Variants in PPL observed in about 807,000 individuals in gnomAD.
PPL encodes the protein 190 kDa paraneoplastic pemphigus antigen.
PPL carries 198 observed loss-of-function variants against 194.4 expected under a neutral mutation model. The observed-to-expected ratio is 1.02, with a 90% CI of 0.91 to 1.15. The LOEUF (loss-of-function observed/expected upper bound fraction) is 1.15, where lower values mean the gene tolerates loss of function less well. Among genes scored for constraint, PPL ranks in the 50% most tolerant of loss-of-function variants. PPL has a pLI of 0.00. For missense variants in PPL, 2,885 were observed against 2,294.8 expected (o/e 1.26, Z -5.25); for synonymous variants, 1,220 against 972.4 (o/e 1.25, Z -4.74).
At chr16:4,910,031 G>GTTGCTCCAGT (rs1398080130) in intron 2 of PPL, among the ~76,000 whole-genome samples, 24 of 152,256 alleles carry the variant, frequency 1.6e-4, no homozygotes, top group African/African-American at 5.1e-4. Flanking sequence ...GTACAAAACA[G>GTTGCTCCAGT]GCATCAACCC....
chr16:4,900,813 C>T lies in PPL; in HGVS notation c.606+17G>A. ...TCTCCTCTCCCCATGAGGCCTTTCC[C>T]CCAGGGAGCTCCTCACCAGCAGTTT... On this transcript the variant is annotated intron_variant, in intron 6 of 21. Transcript: ENST00000345988. 2 of 1,614,122 alleles carry T rather than the reference C, an allele frequency of 1.2e-6. No individual in the cohort carries two copies. Among genetic ancestry groups the T allele is most frequent in the Non-Finnish European group, 1.7e-6 (2 of 1,180,018 alleles).
Position 4,883,756 on chromosome 16 carries a change from G to T in PPL, c.4899C>A (p.Ile1633=), listed in dbSNP as rs367617752. ...AGCCCAGGCGCTTCTGCAGCTCGTC[G>T]ATCTCGAGGTCTTTGTCCTTGGAGA... ...KRLSKDKDLE[I]DELQKRLGSV... is the part of the protein sequence containing the mutation. Residue 1633 remains isoleucine (I), a synonymous_variant, in exon 22 of 22, where the codon ATC becomes ATA. Transcript: ENST00000345988. This position sits in a 1 kb window ranked among gnomAD's most constrained non-coding sequence, Gnocchi z 4.8. 1 of 1,614,008 alleles carries T rather than the reference G, an allele frequency of 6.2e-7. No homozygotes were observed. The highest frequency in any genetic ancestry group is 8.5e-7 in the Non-Finnish European group (1 of 1,180,018).
chr16:4,899,030 C>A lies in PPL; in HGVS notation c.859G>T (p.Gly287Trp), dbSNP rs374651720. 6.2e-7 allele frequency: 1 copy of A among 1,613,574 alleles called. No homozygotes were observed. The highest frequency in any genetic ancestry group is 1.1e-5 in the South Asian group (1 of 91,060). Reference sequence around the variant, plus strand: ...GCATGAACCTCAATGGAGTTCCTCCCGGGGTGCTCGGCCGCCAGCAGCTGG... The same window carrying A: ...GCATGAACCTCAATGGAGTTCCTCCAGGGGTGCTCGGCCGCCAGCAGCTGG... ...GDQLLAAEHP[G>W]RNSIEAHMEA... Residue 287 changes from glycine (G) to tryptophan (W), a missense_variant, in exon 8 of 22, where the codon GGG (glycine) becomes TGG (tryptophan). By Grantham distance (184) the Gly-to-Trp change is radical (BLOSUM62 -2). Transcript: ENST00000345988.
intron 18 of PPL, 59 bp downstream of exon 18, chr16:4,890,125 T>A: frequency 6.2e-7 from 1 of 1,611,972 alleles, no homozygotes; most frequent in African/African-American, 1.3e-5. Flanking sequence ...AAGGGGCTTG[T>A]TGACCTCTGA....
chr16:4,890,656 A>G (rs2088301709), intron 17 of PPL, 72 bp downstream of exon 17: 1 of 1,484,460 alleles, frequency 6.7e-7, no homozygotes, highest in Non-Finnish European at 9.0e-7. Context: ...GGACACGGCT[A>G]AAGCATTGCT....
chr16:4,903,419 A>C (rs554257865), intron 3 of PPL, among the ~76,000 whole-genome samples: 23 of 152,246 alleles, frequency 1.5e-4, no homozygotes, highest in African/African-American at 5.5e-4. Context: ...GGATCATGTG[A>C]GGCTGGGCGC....
chr16:4,929,998 A>G (rs1249441385), intron 1 of PPL, among the ~76,000 whole-genome samples: 1 of 152,122 alleles, frequency 6.6e-6, no homozygotes, highest in Non-Finnish European at 1.5e-5. Context: ...TAAGCTTTCC[A>G]ATACATAGAC....
chr16:4,885,910 GC>G lies in PPL; in HGVS notation c.2744del (p.Ser915ThrfsTer9). The G allele has an allele frequency of 6.2e-7, 1 of 1,611,444 alleles. No individual in the cohort carries two copies. The highest frequency in any genetic ancestry group is 1.1e-5 in the South Asian group (1 of 91,088). ...TCAAGGTCCAGATTTCTTCCTGGGTGCTCTTGACCTCGTTCTCCAGCTGCCG... is the reference window on the plus strand; with the variant it reads ...TCAAGGTCCAGATTTCTTCCTGGGTGTCTTGACCTCGTTCTCCAGCTGCCG... ...RRRQLENEVKSTQEEIWTLRN... is the reference protein window; with the variant it reads ...RRRQLENEVKXTQEEIWTLRN... On this transcript the variant is annotated frameshift_variant, in exon 22 of 22. Coordinates refer to ENST00000345988, the MANE Select transcript of PPL (RefSeq NM_002705.5). LOFTEE classifies it high-confidence loss of function. The surrounding 1 kb of genome is among the most constrained non-coding windows in gnomAD (Gnocchi z 6.3).
intron 9 of PPL, among the ~76,000 whole-genome samples, chr16:4,897,474 A>C (rs1162839240): frequency 2.6e-5 from 4 of 151,874 alleles, no homozygotes; most frequent in African/African-American, 7.3e-5. Context: ...CCTGGTCCCC[A>C]GGGAAGTTGG....
intron 2 of PPL, among the ~76,000 whole-genome samples, chr16:4,907,773 A>C (rs1157917068): frequency 2.6e-5 from 4 of 152,218 alleles, no homozygotes; most frequent in African/African-American, 9.6e-5. Context: ...AAATAGTAGT[A>C]TCTTTAGCAA....
At chr16:4,927,917 C>A (rs545903593) in intron 1 of PPL, among the ~76,000 whole-genome samples, 1 of 152,330 alleles carries the variant, frequency 6.6e-6, no homozygotes, top group East Asian at 1.9e-4. Flanking sequence ...GGCAACACAG[C>A]AAGACCCTAT....
intron 19 of PPL, among the ~76,000 whole-genome samples, chr16:4,888,436 CAT>C (rs1465623992): frequency 6.6e-6 from 1 of 152,216 alleles, no homozygotes; most frequent in Non-Finnish European, 1.5e-5. Flanking sequence ...CACTCAGTAA[CAT>C]ATGAGACAAG....
chr16:4,919,262 G>A (rs570575101), intron 1 of PPL, among the ~76,000 whole-genome samples: 30 of 152,296 alleles, frequency 2.0e-4, no homozygotes, highest in Admixed American at 1.4e-3. Flanking sequence ...GGTCCCGGAC[G>A]TGAAGTCACT....
At chr16:4,901,174 G>C in intron 4 of PPL, 85 bp from the exon 5 acceptor site, 1 of 1,433,072 alleles carries the variant, frequency 7.0e-7, no homozygotes. Flanking sequence ...TCGGGGGTGG[G>C]CATGATGGTG....
chr16:4,899,180 C>G, intron 7 of PPL, 43 bp downstream of exon 7: 1 of 1,613,598 alleles, frequency 6.2e-7, no homozygotes, highest in Non-Finnish European at 8.5e-7. Flanking sequence ...GTGCTCCTTC[C>G]AGGGCTGCCT....
In PPL at chr16:4,891,853, A is replaced by G. The variant is rs749000218; in HGVS notation, c.1926T>C (p.Pro642=). 17 of 1,613,274 alleles carry G rather than the reference A, an allele frequency of 1.1e-5. No homozygotes were observed. The highest frequency in any genetic ancestry group is 1.4e-5 in the Non-Finnish European group (16 of 1,179,978). ...ENHLNQDDTV[P]ESSRVLDSKG... is the part of the protein sequence containing the mutation. ...TGCTGTCCAGGACACGGCTGCTCTC[A>G]GGCACTGTGTCATCCTGATTCAGAT... is the stretch of plus-strand genomic sequence containing the variant. Residue 642 remains proline, a synonymous_variant, in exon 16 of 22, where the codon CCT becomes CCC. Coordinates refer to ENST00000345988, the MANE Select transcript of PPL (RefSeq NM_002705.5).
chr16:4,900,535 G>A (rs1379609903), intron 6 of PPL, among the ~76,000 whole-genome samples: 1 of 142,580 alleles, frequency 7.0e-6, no homozygotes. Flanking sequence ...CACCTCCTGG[G>A]CTCAAGCGAT....
At chr16:4,928,198 A>T (rs1211742656) in intron 1 of PPL, among the ~76,000 whole-genome samples, 1 of 152,244 alleles carries the variant, frequency 6.6e-6, no homozygotes, top group Non-Finnish European at 1.5e-5. Flanking sequence ...GCTGAAGTGC[A>T]TTGCTGCACT....
In PPL at chr16:4,885,908, G is replaced by T. The variant is rs778269366; in HGVS notation, c.2747C>A (p.Thr916Asn). ...CCTCAAGGTCCAGATTTCTTCCTGG[G>T]TGCTCTTGACCTCGTTCTCCAGCTG... ...RRQLENEVKS[T>N]QEEIWTLRNQ... Residue 916 changes from threonine to asparagine, a missense_variant, in exon 22 of 22, where the codon ACC becomes AAC. Coordinates refer to ENST00000345988, the MANE Select transcript of PPL (RefSeq NM_002705.5). The surrounding 1 kb of genome is among the most constrained non-coding windows in gnomAD (Gnocchi z 6.3). 12 of 1,611,218 alleles carry T rather than the reference G, an allele frequency of 7.4e-6. No individual in the cohort carries two copies. The African/African-American group carries it at 1.6e-4, about 22-fold the overall frequency.
Sources: allele counts gnomAD v4.1 joint callset (sites outside exome capture counted in the v4.1 genomes callset), GRCh38; gene constraint gnomAD v4.1.1; non-coding constraint Gnocchi (gnomAD v3.1); transcripts MANE v1.5; gene names NCBI Gene and HGNC (gene_info 2026-07-23, HGNC 2026-07-21).